KCTD1: variants seen among roughly 807,000 people sequenced by gnomAD.
KCTD1 encodes the protein potassium channel tetramerization domain containing 1, also known as BTB/POZ domain-containing protein KCTD1.
KCTD1 carries 24 observed loss-of-function variants against 66.0 expected under a neutral mutation model. The observed-to-expected ratio is 0.36, with a 90% CI of 0.26 to 0.51. KCTD1 has a LOEUF of 0.51. KCTD1 is among the 20% of genes least tolerant of loss of function. The probability of loss-of-function intolerance (pLI) is 0.95; values close to 1 mark genes in which losing one functional copy is unlikely to be tolerated. For missense variants in KCTD1, 943 were observed against 1,205.2 expected (o/e 0.78, Z 3.22); for synonymous variants, 511 against 517.2 (o/e 0.99, Z 0.16).
At chr18:26,568,428 G>A (rs556757534) in intron 1 of KCTD1, among the ~76,000 whole-genome samples, 10 of 151,780 alleles carry the variant, frequency 6.6e-5, no homozygotes, top group African/African-American at 2.4e-4. Context: ...GTAGAGACGG[G>A]GTTTCGCCAT....
chr18:26,593,330 GGAGGAAGAGGAGGAA>G (rs1568003471), intron 1 of KCTD1, among the ~76,000 whole-genome samples: 3 of 118,018 alleles, frequency 2.5e-5, no homozygotes, highest in Non-Finnish European at 3.9e-5. Context: ...AGGAAGAGGA[GGAGGAAGAGGAGGAA>G]GAGGAGGAGG....
chr18:26,616,462 C>CACATAT (rs1555647317), intron 1 of KCTD1, among the ~76,000 whole-genome samples: 1 of 147,520 alleles, frequency 6.8e-6, no homozygotes, highest in African/African-American at 2.5e-5. Flanking sequence ...CCCTTACATA[C>CACATAT]ATATATATAT....
At chr18:26,572,968 G>T (rs1219569801) in intron 1 of KCTD1, among the ~76,000 whole-genome samples, 1 of 151,766 alleles carries the variant, frequency 6.6e-6, no homozygotes, top group Non-Finnish European at 1.5e-5. Flanking sequence ...CTGAGATACA[G>T]ACCATGTATT....
chr18:26,519,084 C>T (rs1446586590), intron 1 of KCTD1, among the ~76,000 whole-genome samples: 1 of 152,096 alleles, frequency 6.6e-6, no homozygotes, highest in Non-Finnish European at 1.5e-5. Flanking sequence ...TTATTATATT[C>T]TCAAAGCTTT....
chr18:26,530,630 T>C (rs1443822975), intron 1 of KCTD1, among the ~76,000 whole-genome samples: 2 of 152,238 alleles, frequency 1.3e-5, no homozygotes, highest in Admixed American at 1.3e-4. Flanking sequence ...ATTCCTACTA[T>C]GTGCTAAGAA....
chr18:26,549,762 C>A, upstream of KCTD1: 6 of 985,454 alleles, frequency 6.1e-6, no homozygotes, highest in Non-Finnish European at 7.2e-6. Context: ...GTTCGCCCTC[C>A]GGGCTGCGCT....
chr18:26,535,971 C>CCCAAAA (rs1322496086), intron 1 of KCTD1, among the ~76,000 whole-genome samples: 1 of 122,822 alleles, frequency 8.1e-6, no homozygotes, highest in African/African-American at 3.1e-5. Context: ...GTGATTCCTC[C>CCCAAAA]AAAAAAAAAA....
chr18:26,606,198 G>A (rs1233820930), intron 1 of KCTD1, among the ~76,000 whole-genome samples: 1 of 152,198 alleles, frequency 6.6e-6, no homozygotes, highest in Non-Finnish European at 1.5e-5. Flanking sequence ...CAGGTAGCAG[G>A]CTTCAGAGAG....
chr18:26,519,198 G>A (rs1488432586), intron 1 of KCTD1, among the ~76,000 whole-genome samples: 1 of 152,092 alleles, frequency 6.6e-6, no homozygotes, highest in Non-Finnish European at 1.5e-5. Context: ...CCTGTATTCA[G>A]AAATGCCTGA....
At chr18:26,527,184 G>A (rs1210490137) in intron 1 of KCTD1, among the ~76,000 whole-genome samples, 3 of 152,092 alleles carry the variant, frequency 2.0e-5, no homozygotes, top group Admixed American at 2.0e-4. Context: ...CAAGGTGGGA[G>A]GTCAGGGTCA....
chr18:26,535,480 C>T (rs918487948), intron 1 of KCTD1, among the ~76,000 whole-genome samples: 3 of 151,504 alleles, frequency 2.0e-5, no homozygotes, highest in African/African-American at 7.3e-5. Context: ...AAAAAAAGTC[C>T]GCAAGTCAAC....
At chr18:26,627,091 C>T (rs1481129040) in intron 1 of KCTD1, among the ~76,000 whole-genome samples, 2 of 152,178 alleles carry the variant, frequency 1.3e-5, no homozygotes, top group Non-Finnish European at 2.9e-5. Context: ...AGCTAAGAAT[C>T]ACTTCTCCTT....
At chr18:26,561,837 G>C (rs1350207153) in intron 1 of KCTD1, among the ~76,000 whole-genome samples, 1 of 152,162 alleles carries the variant, frequency 6.6e-6, no homozygotes, top group Non-Finnish European at 1.5e-5. Flanking sequence ...AGAAGAAAGG[G>C]GGCAGGGCCA....
intron 1 of KCTD1, among the ~76,000 whole-genome samples, chr18:26,604,977 A>G (rs1986979397): frequency 6.6e-6 from 1 of 152,188 alleles, no homozygotes; most frequent in Non-Finnish European, 1.5e-5. Flanking sequence ...TTAGGAACCC[A>G]GGTTCCTTCT....
At chr18:26,535,431 A>G (rs1194881951) in intron 1 of KCTD1, among the ~76,000 whole-genome samples, 2 of 151,872 alleles carry the variant, frequency 1.3e-5, no homozygotes, top group African/African-American at 4.8e-5. Flanking sequence ...GCACTGACCC[A>G]CTGAAGAAAT....
chr18:26,482,597 G>T (rs1297535160), intron 2 of KCTD1, among the ~76,000 whole-genome samples: 1 of 152,164 alleles, frequency 6.6e-6, no homozygotes, highest in African/African-American at 2.4e-5. Flanking sequence ...CAATTCTGCC[G>T]AAGCTGTCTT....
intron 1 of KCTD1, among the ~76,000 whole-genome samples, chr18:26,571,974 T>C (rs577287807): frequency 2.6e-5 from 4 of 152,260 alleles, no homozygotes; most frequent in Middle Eastern, 3.4e-3. Flanking sequence ...AGATAGTACA[T>C]GATACTTAAT....
intron 1 of KCTD1, among the ~76,000 whole-genome samples, chr18:26,569,890 C>A (rs1260710929): frequency 6.6e-6 from 1 of 152,246 alleles, no homozygotes; most frequent in East Asian, 1.9e-4. Context: ...AGTCAATTAA[C>A]TAAAAGGTCA....
chr18:26,497,282 CT>C lies in KCTD1; in HGVS notation c.1988+3789del, dbSNP rs200465139. ...CCTTGAAATCTTAGAAAAAGCCCCCCTATCCTCTGGGTGACACTAAGGAAGA... is the reference window on the plus strand; with the variant it reads ...CCTTGAAATCTTAGAAAAAGCCCCCCATCCTCTGGGTGACACTAAGGAAGA... On this transcript the variant is annotated intron_variant, in intron 2 of 4. Coordinates refer to ENST00000580059, the MANE Select transcript of KCTD1 (RefSeq NM_001142730.3). Among the ~76,000 whole-genome samples, 1,458 of 152,222 alleles carry C rather than the reference CT, an allele frequency of 9.6e-3. 12 individuals are homozygous for C. Among genetic ancestry groups the C allele is most frequent in the Middle Eastern group, 0.065 (19 of 294 alleles).
Sources: gnomAD v4.1 joint callset for allele counts (sites outside exome capture counted in the v4.1 genomes callset) on GRCh38, gnomAD v4.1.1 for gene constraint, MANE v1.5 for transcripts, NCBI Gene and HGNC (gene_info 2026-07-23, HGNC 2026-07-21) for gene names.